GREB1: variants seen among roughly 807,000 people sequenced by gnomAD.
The protein encoded by GREB1 is growth regulating estrogen receptor binding 1.
In GREB1, 106 loss-of-function variants were observed where a neutral mutation model predicts 200.7. The ratio of observed to expected loss-of-function variants is 0.53; its 90% confidence interval spans 0.45 to 0.62. The LOEUF is 0.62. GREB1 is among the 20% of genes least tolerant of loss of function. The pLI, the probability that GREB1 is intolerant of heterozygous loss-of-function variation, is 0.00. For missense variants in GREB1, 2,243 were observed against 2,556.8 expected, an observed-to-expected ratio of 0.88 and a Z score of 2.65; for synonymous variants, 1,132 against 1,092.4, an observed-to-expected ratio of 1.04 and a Z score of -0.72.
intron 1 of GREB1, among the ~76,000 whole-genome samples, chr2:11,500,639 G>A (rs569701661): frequency 6.6e-6 from 1 of 152,302 alleles, no homozygotes; most frequent in Admixed American, 6.5e-5. Context: ...CAAAAATGTT[G>A]CAAATAAAAT....
Position 11,580,123 on chromosome 2 carries a change from T to C in GREB1, c.773-581T>C, listed in dbSNP as rs1233586195. On this transcript the variant is annotated intron_variant, in intron 6 of 32. Coordinates refer to ENST00000381486, the MANE Select transcript of GREB1 (RefSeq NM_014668.4). The surrounding 1 kb of genome is among the most constrained non-coding windows in gnomAD (Gnocchi z 4.5). The stretch of plus-strand genomic sequence containing the variant: ...ATCAGGTCTCGTGAGACTTCTTCAC[T>C]ATCACGAGAACAGTATGGGGGAAAC... 6.6e-6 allele frequency among the ~76,000 whole-genome samples: 1 copy of C among 152,122 alleles called. No individual in the cohort carries two copies. Among genetic ancestry groups the C allele is most frequent in the Non-Finnish European group, 1.5e-5 (1 of 68,026 alleles).
chr2:11,596,454 TG>T (rs1445253680), intron 13 of GREB1, among the ~76,000 whole-genome samples: 2 of 9,724 alleles, frequency 2.1e-4, no homozygotes, highest in Non-Finnish European at 3.5e-4. Flanking sequence ...GTGAGGGGGG[TG>T]GGGGCACAGG....
intron 6 of GREB1, among the ~76,000 whole-genome samples, chr2:11,579,744 G>A (rs1679268332): frequency 6.6e-6 from 1 of 152,086 alleles, no homozygotes; most frequent in African/African-American, 2.4e-5. Flanking sequence ...AGACCATTCT[G>A]GCTGACATGA....
At chr2:11,501,722 A>G (rs1426324409) in intron 1 of GREB1, among the ~76,000 whole-genome samples, 3 of 151,910 alleles carry the variant, frequency 2.0e-5, no homozygotes, top group Admixed American at 6.6e-5. Flanking sequence ...GCTGTTTTGT[A>G]TCTTTTAGGA....
chr2:11,627,012 G>T lies in GREB1; in HGVS notation c.4357G>T (p.Ala1453Ser), dbSNP rs369534186. The T allele has an allele frequency of 1.9e-6, 3 of 1,614,018 alleles. No individual in the cohort carries two copies. Among genetic ancestry groups the T allele is most frequent in the Non-Finnish European group, 2.5e-6 (3 of 1,179,838 alleles). Residue 1453 changes from alanine (A) to serine (S), a missense_variant, in exon 25 of 33, where the codon GCA (alanine) becomes TCA (serine). Ala to Ser is a moderately conservative substitution (Grantham distance 99). Transcript: ENST00000381486. The stretch of plus-strand genomic sequence containing the variant: ...GGACCTTTATGTGCGGCGTCAGACG[G>T]CACGGATGAGACTGTCCAAGTACGC... Reference protein sequence around the residue: ...PEDLYVRRQTARMRLSKYAAY... With the variant: ...PEDLYVRRQTSRMRLSKYAAY...
At chr2:11,639,545 A>G (rs945288300) in intron 32 of GREB1, among the ~76,000 whole-genome samples, 5 of 152,208 alleles carry the variant, frequency 3.3e-5, no homozygotes, top group African/African-American at 1.2e-4. Context: ...AGCTTGGTTG[A>G]GAATGACAAG....
intron 1 of GREB1, among the ~76,000 whole-genome samples, chr2:11,520,671 A>T (rs1221769233): frequency 6.6e-6 from 1 of 152,068 alleles, no homozygotes; most frequent in Non-Finnish European, 1.5e-5. Flanking sequence ...ATGGCAAAGT[A>T]TCTTTCTTTT....
intron 1 of GREB1, among the ~76,000 whole-genome samples, chr2:11,525,363 G>GGT (rs1189038029): frequency 6.6e-6 from 1 of 151,826 alleles, no homozygotes; most frequent in Non-Finnish European, 1.5e-5. Context: ...AAATTAGCTG[G>GGT]GTGTGTGCCT....
intron 1 of GREB1, among the ~76,000 whole-genome samples, chr2:11,519,129 C>G (rs116628462): frequency 6.6e-6 from 1 of 151,346 alleles, no homozygotes; most frequent in Non-Finnish European, 1.5e-5. Context: ...AAAATCCCCT[C>G]GAAAGTCTTA....
chr2:11,483,687 GGTGTGTGT>G (rs57352590), intron 1 of GREB1, among the ~76,000 whole-genome samples: 9,940 of 132,128 alleles, frequency 0.075, 510 homozygotes, highest in Middle Eastern at 0.12. Flanking sequence ...TACAAGAAGG[GGTGTGTGT>G]GTGTGTGTGT....
intron 7 of GREB1, among the ~76,000 whole-genome samples, chr2:11,583,881 G>C (rs1679780732): frequency 6.6e-6 from 1 of 152,032 alleles, no homozygotes; most frequent in Admixed American, 6.6e-5. Flanking sequence ...TCACCAGGCT[G>C]GCTTACAAAG....
intron 1 of GREB1, among the ~76,000 whole-genome samples, chr2:11,544,740 GC>G (rs1347031460): frequency 2.0e-5 from 3 of 151,724 alleles, no homozygotes; most frequent in African/African-American, 4.9e-5. Flanking sequence ...TGTCTGTCCT[GC>G]CCCCCTGTTT....
In GREB1 at chr2:11,635,280, G is replaced by A. The variant is rs747385499; in HGVS notation, c.5221G>A (p.Asp1741Asn). Residue 1741 changes from aspartate (D) to asparagine (N), a missense_variant, in exon 30 of 33, where the codon GAC (aspartate) becomes AAC (asparagine). By Grantham distance (23) the Asp-to-Asn change is conservative (BLOSUM62 1). Around this residue, in one of 3 missense-constraint regions of GREB1, gnomAD observed 478 missense variants for 616.3 expected, o/e 0.78. Coordinates refer to ENST00000381486, the MANE Select transcript of GREB1 (RefSeq NM_014668.4). ...TCTGGCCCTGAGTAGGTTCCTGTGT[G>A]ACGATGTAGACTTCAACCTGCGGGT... ...VQYNQNRFLCDDVDFNLRVHS... is the reference protein window; with the variant it reads ...VQYNQNRFLCNDVDFNLRVHS... 4.6e-5 allele frequency: 74 copies of A among 1,614,088 alleles called. No individual in the cohort carries two copies. The highest frequency in any genetic ancestry group is 5.8e-5 in the Non-Finnish European group (68 of 1,180,030).
At position 11,600,942 on chromosome 2, in the gene GREB1, C is replaced by T; in HGVS notation, c.2476C>T (p.His826Tyr). Residue 826 changes from histidine (H) to tyrosine (Y), a missense_variant, in exon 16 of 33, where the codon CAC becomes TAC. Around this residue, in one of 3 missense-constraint regions of GREB1, gnomAD observed 1,178 missense variants for 1,387.4 expected, o/e 0.85. Coordinates refer to ENST00000381486, the MANE Select transcript of GREB1 (RefSeq NM_014668.4). ...CTTCCCGTATGCACTGCAGACACAG[C>T]ACACCCTCATCAGCCCCTACAACGA... is the stretch of plus-strand genomic sequence containing the variant. ...TSFPYALQTQ[H>Y]TLISPYNEIH... is the part of the protein sequence containing the mutation. 6.2e-7 allele frequency: 1 copy of T among 1,614,166 alleles called. No individual in the cohort carries two copies. Among genetic ancestry groups the T allele is most frequent in the South Asian group, 1.1e-5 (1 of 91,086 alleles).
At chr2:11,528,985 C>G (rs1673976346) in intron 1 of GREB1, among the ~76,000 whole-genome samples, 1 of 152,132 alleles carries the variant, frequency 6.6e-6, no homozygotes, top group Admixed American at 6.5e-5. Context: ...TTTATTTTCT[C>G]CTGGTTTATA....
intron 1 of GREB1, among the ~76,000 whole-genome samples, chr2:11,483,234 G>A (rs1391938900): frequency 6.7e-6 from 1 of 149,914 alleles, no homozygotes; most frequent in Admixed American, 6.6e-5. Flanking sequence ...GTGTGCGTGC[G>A]TGTGCGTGTA....
chr2:11,498,806 T>A (rs1672954842), intron 1 of GREB1, among the ~76,000 whole-genome samples: 1 of 152,220 alleles, frequency 6.6e-6, no homozygotes, highest in Non-Finnish European at 1.5e-5. Flanking sequence ...TTTTGTCTCC[T>A]CTGTCAGCTG....
chr2:11,607,186 C>T (rs1682381522), intron 17 of GREB1, among the ~76,000 whole-genome samples: 1 of 151,888 alleles, frequency 6.6e-6, no homozygotes, highest in Admixed American at 6.6e-5. Flanking sequence ...TGGGCTCAAG[C>T]CATCCCCCCA....
At chr2:11,616,598 C>A in intron 20 of GREB1, 33 bp from the exon 21 acceptor site, 1 of 1,288,166 alleles carries the variant, frequency 7.8e-7, no homozygotes, top group Non-Finnish European at 1.1e-6. Context: ...ATGGTGATTT[C>A]GGTGCATTCT....
Sources: allele counts gnomAD v4.1 joint callset (sites outside exome capture counted in the v4.1 genomes callset), GRCh38; gene constraint gnomAD v4.1.1; regional missense constraint gnomAD v4.1.1; non-coding constraint Gnocchi (gnomAD v3.1); transcripts MANE v1.5; gene names NCBI Gene and HGNC (gene_info 2026-07-23, HGNC 2026-07-21).